Variants in DOK3 observed in about 807,000 individuals in gnomAD.
DOK3 encodes the protein Dok-like protein.
Under a neutral mutation model 26.2 loss-of-function variants are expected in DOK3, and 23 were observed. That is an observed-to-expected ratio of 0.88 (90% CI 0.63 to 1.24). The LOEUF is 1.24. Ranked by LOEUF, DOK3 falls within the 50% of genes most tolerant of loss-of-function variation. The pLI is 0.00. For synonymous variants in DOK3, 268 were observed against 268.2 expected (o/e 1.00, Z 0.01); for missense variants, 619 against 610.6 (o/e 1.01, Z -0.15).
In DOK3 at chr5:177,508,226, G is replaced by T; in HGVS notation, c.372+11C>A. ...CCCCAGCCCAATCGCCCCCCTGCTC[G>T]CCGCACTCACCGGGAAGGCCAGCTG... On this transcript the variant is annotated intron_variant, in intron 3 of 5. Transcript: ENST00000510898. The T allele has an allele frequency of 1.4e-6, 2 of 1,472,086 alleles. No individual in the cohort carries two copies. The highest frequency in any genetic ancestry group is 9.0e-7 in the Non-Finnish European group (1 of 1,106,620). The allele number at this position is 1,472,086 out of a possible 1,614,324, so 91.2% of individuals were successfully genotyped here. A position where few individuals can be genotyped will look rare whatever the true frequency, so the allele number is the denominator to read the frequency against.
Position 177,508,442 on chromosome 5 carries a change from G to A in DOK3, c.167C>T (p.Ala56Val), listed in dbSNP as rs750211007. Reference protein sequence around the residue: ...WEVRDGGLGAAGDRSAGPGRR... With the variant: ...WEVRDGGLGAVGDRSAGPGRR... Reference sequence around the variant, plus strand: ...GCCAGGCCCTGCCGACCTGTCACCCGCTGCTCCCAGGCCACCATCCCGGAC... The same window carrying A: ...GCCAGGCCCTGCCGACCTGTCACCCACTGCTCCCAGGCCACCATCCCGGAC... The change falls in exon 3 of 6, where the codon GCG becomes GTG. Residue 56 changes from alanine to valine, a missense_variant. By Grantham distance (64) the Ala-to-Val change is moderately conservative. Transcript: ENST00000510898. 1.6e-5 allele frequency: 26 copies of A among 1,595,360 alleles called. No homozygotes were observed. The highest frequency in any genetic ancestry group is 1.7e-4 in the Middle Eastern group (1 of 5,906).
At chr5:177,509,989 C>T (rs1760790755), upstream of DOK3, 1 of 1,118,990 alleles carries the variant, frequency 8.9e-7, no homozygotes, top group Non-Finnish European at 1.3e-6. Flanking sequence ...TTGAGCGCCT[C>T]ACCCCATCTT....
intron 2 of DOK3, 116 bp from the exon 3 acceptor site, chr5:177,508,658 A>T (rs894843439): frequency 2.5e-6 from 3 of 1,199,742 alleles, no homozygotes; most frequent in Non-Finnish European, 3.4e-6. Context: ...TCTGCTCCCC[A>T]GTTTCTCAGG....
chr5:177,506,282 A>AAATATGAT (rs1220295610), intron 3 of DOK3, among the ~76,000 whole-genome samples: 1 of 151,672 alleles, frequency 6.6e-6, no homozygotes, highest in Non-Finnish European at 1.5e-5. Flanking sequence ...TTGATTTTTA[A>AAATATGAT]AATATGATAA....
At chr5:177,509,260 C>G (rs1422173952) in intron 2 of DOK3, 13 of 552,118 alleles carry the variant, frequency 2.4e-5, no homozygotes, top group South Asian at 2.2e-4. Flanking sequence ...TCCCATCTCT[C>G]CCGGAGGCAG....
In DOK3 at chr5:177,503,174, G is replaced by C. The variant is rs1759529102; in HGVS notation, c.*809C>G. 7.0e-7 allele frequency: 1 copy of C among 1,432,720 alleles called. No homozygotes were observed. The highest frequency in any genetic ancestry group is 9.2e-7 in the Non-Finnish European group (1 of 1,091,448). 88.8% of individuals were successfully genotyped at this position (1,432,720 alleles called of 1,614,324 possible). On this transcript the variant is annotated 3_prime_UTR_variant, in exon 6 of 6. Coordinates refer to ENST00000510898, the MANE Select transcript of DOK3 (RefSeq NM_001308236.3). ...GATGGCGCCAGGAGCAGGAGCAGAG[G>C]AGGGAACGCAGCATGGAAGTCTTCA... is the stretch of plus-strand genomic sequence containing the variant.
At chr5:177,509,434 T>G in intron 2 of DOK3, 41 bp downstream of exon 2, 2 of 1,580,994 alleles carry the variant, frequency 1.3e-6, no homozygotes, top group Non-Finnish European at 8.6e-7. Context: ...CTCCACCCAC[T>G]GTTGGTCCTT....
rs768156875 is a variant in DOK3 at position 177,504,677 on chromosome 5, C to CA, written c.646-18_646-17insT. ...GAACACGCCCTGGGCACAGGGCACA[C>CA]GGGTGGGGATTAGCAGGAGGGTCCA... On this transcript the variant is annotated splice_polypyrimidine_tract_variant and intron_variant, in intron 5 of 5. Transcript: ENST00000510898. 1.9e-6 allele frequency: 3 copies of CA among 1,613,340 alleles called. No homozygotes were observed. Among genetic ancestry groups the CA allele is most frequent in the Non-Finnish European group, 2.5e-6 (3 of 1,179,876 alleles).
At chr5:177,509,271 G>T (rs2161110) in intron 2 of DOK3, 35,273 of 575,636 alleles carry the variant, frequency 0.061, 1,573 homozygotes, top group East Asian at 0.19. Context: ...CCGGAGGCAG[G>T]GTCTGGCAGA....
At chr5:177,509,734 G>C in intron 1 of DOK3, 24 bp downstream of exon 1, 1 of 1,611,462 alleles carries the variant, frequency 6.2e-7, no homozygotes, top group Non-Finnish European at 8.5e-7. Flanking sequence ...TGGGGTTCTG[G>C]CTGCCCAAGG....
intron 3 of DOK3, 146 bp from the exon 4 acceptor site, chr5:177,505,256 T>A: frequency 1.4e-6 from 1 of 712,738 alleles, no homozygotes; most frequent in Non-Finnish European, 2.2e-6. Context: ...TGCATAAGCC[T>A]AGGTCCCCTT....
upstream of DOK3, chr5:177,510,134 A>C: frequency 1.8e-6 from 1 of 566,478 alleles, no homozygotes; most frequent in Admixed American, 3.1e-5. Context: ...AGCACTCTCC[A>C]CAACCCAAGA....
upstream of DOK3, chr5:177,509,845 C>G (rs764296074): frequency 2.5e-6 from 4 of 1,610,888 alleles, no homozygotes; most frequent in East Asian, 2.2e-5. Flanking sequence ...TCTGGCTCCC[C>G]GAGTCATGAG....
At position 177,502,820 on chromosome 5, in the gene DOK3, G is replaced by A; in HGVS notation, c.*1163C>T. ...CAAGGCCGGGGACTTTGCCAGACCA[G>A]TAAGATGAAACGAGAGAGAACAGGG... On this transcript the variant is annotated 3_prime_UTR_variant, in exon 6 of 6. Coordinates refer to ENST00000510898, the MANE Select transcript of DOK3 (RefSeq NM_001308236.3). 1 of 542,582 alleles carries A rather than the reference G, an allele frequency of 1.8e-6. No individual in the cohort carries two copies. The highest frequency in any genetic ancestry group is 2.9e-5 in the East Asian group (1 of 34,094). 33.6% of individuals were successfully genotyped at this position (542,582 alleles called of 1,614,324 possible).
chr5:177,505,423 C>A (rs986280594), intron 3 of DOK3, among the ~76,000 whole-genome samples: 10 of 152,296 alleles, frequency 6.6e-5, no homozygotes, highest in African/African-American at 2.4e-4. Context: ...GTATGTCTGA[C>A]AGCCTAGAGC....
Position 177,504,105 on chromosome 5 carries a change from G to T in DOK3, c.1201C>A (p.Leu401Met), listed in dbSNP as rs762165184. 3.1e-6 allele frequency: 5 copies of T among 1,612,860 alleles called. No homozygotes were observed. The highest frequency in any genetic ancestry group is 1.7e-5 in the Admixed American group (1 of 59,940). Reference sequence around the variant, plus strand: ...GTGCCCTCCACCTGATCCAGCTCCAGCAGCCGCCGGTACTGGGCCTCCAGG... The same window carrying T: ...GTGCCCTCCACCTGATCCAGCTCCATCAGCCGCCGGTACTGGGCCTCCAGG... ...STLEAQYRRL[L>M]ELDQVEGTGR... Residue 401 changes from leucine (L) to methionine (M), a missense_variant, in exon 6 of 6, where the codon CTG becomes ATG. Physicochemically the swap from Leu to Met is conservative, Grantham distance 15. Coordinates refer to ENST00000510898, the MANE Select transcript of DOK3 (RefSeq NM_001308236.3).
In DOK3 at chr5:177,503,851, C is replaced by A. The variant is rs979672079; in HGVS notation, c.*132G>T. The A allele has an allele frequency of 2.1e-6, 3 of 1,434,976 alleles. No individual in the cohort carries two copies. Among genetic ancestry groups the A allele is most frequent in the Non-Finnish European group, 2.7e-6 (3 of 1,099,240 alleles). 88.9% of individuals were successfully genotyped at this position (1,434,976 alleles called of 1,614,324 possible). A position where few individuals can be genotyped will look rare whatever the true frequency, so the allele number is the denominator to read the frequency against. On this transcript the variant is annotated 3_prime_UTR_variant, in exon 6 of 6. Transcript: ENST00000510898. The stretch of plus-strand genomic sequence containing the variant: ...GGGCAGGGCTGAGGTCCTCCACAGG[C>A]GGCCTGCCTTGTTCCTGCAGGCCAG...
At position 177,503,260 on chromosome 5, in the gene DOK3, C is replaced by G. The variant is rs1346860977; in HGVS notation, c.*723G>C. 1.3e-6 allele frequency: 2 copies of G among 1,551,372 alleles called. No individual in the cohort carries two copies. Among genetic ancestry groups the G allele is most frequent in the African/African-American group, 2.7e-5 (2 of 73,028 alleles). On this transcript the variant is annotated 3_prime_UTR_variant, in exon 6 of 6. Transcript: ENST00000510898. ...AGAACAGGACCAAGGCTGTCCTGAA[C>G]ACGGCTGTGTCCCCCAGCGCCTGGC...
intron 3 of DOK3, among the ~76,000 whole-genome samples, chr5:177,507,040 C>T (rs1322323084): frequency 6.6e-6 from 1 of 152,146 alleles, no homozygotes; most frequent in Non-Finnish European, 1.5e-5. Flanking sequence ...CTGTCTAGTT[C>T]CAGAACTTTT....
Sources: gnomAD v4.1 joint callset for allele counts (sites outside exome capture counted in the v4.1 genomes callset) on GRCh38, gnomAD v4.1.1 for gene constraint, MANE v1.5 for transcripts, NCBI Gene and HGNC (gene_info 2026-07-23, HGNC 2026-07-21) for gene names.